The following CDH12 variants were observed in gnomAD, a reference collection of about 807,000 sequenced individuals.
CDH12 encodes cadherin-12.
CDH12 carries 41 observed loss-of-function variants against 74.1 expected under a neutral mutation model. That is an observed-to-expected ratio of 0.55 (90% CI 0.43 to 0.72). The LOEUF is 0.72. CDH12 is among the 30% of genes least tolerant of loss of function. CDH12 has a pLI of 0.00. For synonymous variants in CDH12, 399 were observed against 355.0 expected (o/e 1.12, Z -1.39); for missense variants, 945 against 977.2 (o/e 0.97, Z 0.44).
intron 1 of CDH12, among the ~76,000 whole-genome samples, chr5:22,600,998 A>T (rs1301379881): frequency 1.3e-5 from 2 of 152,140 alleles, no homozygotes; most frequent in Admixed American, 6.5e-5. Flanking sequence ...TGAAGCTATT[A>T]TCAGGGTAGA....
intron 1 of CDH12, among the ~76,000 whole-genome samples, chr5:22,815,465 G>A (rs1034552475): frequency 5.3e-5 from 8 of 151,942 alleles, no homozygotes; most frequent in African/African-American, 1.9e-4. Flanking sequence ...GAAATGGAGA[G>A]ATCTATAGAA....
intron 8 of CDH12, among the ~76,000 whole-genome samples, chr5:21,833,300 A>ATTATATGTTATATAACATATAATATATG (rs1749290620): frequency 2.0e-5 from 1 of 50,756 alleles, no homozygotes; most frequent in Non-Finnish European, 2.8e-5. Context: ...TATAATATAT[A>ATTATATGTTATATAACATATAATATATG]TTATATGTTA....
intron 1 of CDH12, among the ~76,000 whole-genome samples, chr5:22,730,879 T>C (rs1184008828): frequency 6.6e-6 from 1 of 151,850 alleles, no homozygotes; most frequent in Non-Finnish European, 1.5e-5. Flanking sequence ...CAATAAAAGA[T>C]TAAAACAGAA....
At chr5:22,507,002 A>T (rs942229138) in intron 1 of CDH12, among the ~76,000 whole-genome samples, 6 of 152,164 alleles carry the variant, frequency 3.9e-5, no homozygotes, top group Non-Finnish European at 7.4e-5. Context: ...AGTGATTCTT[A>T]TAAAGATGTC....
chr5:22,568,429 A>T (rs1388105891), intron 1 of CDH12, among the ~76,000 whole-genome samples: 1 of 152,194 alleles, frequency 6.6e-6, no homozygotes, highest in Non-Finnish European at 1.5e-5. Flanking sequence ...GCGCATTTAG[A>T]CTTCAGCTAC....
chr5:22,243,710 G>A (rs543902025), intron 3 of CDH12, among the ~76,000 whole-genome samples: 13 of 152,210 alleles, frequency 8.5e-5, no homozygotes, highest in African/African-American at 3.1e-4. Flanking sequence ...AGCATAGTAC[G>A]GTAATAAAAT....
intron 1 of CDH12, among the ~76,000 whole-genome samples, chr5:22,781,435 TTCTG>T (rs1057452914): frequency 1.6e-4 from 25 of 152,266 alleles, no homozygotes; most frequent in East Asian, 1.9e-4. Context: ...TTCTTCTTCT[TTCTG>T]TCTATTTCAT....
chr5:22,411,383 A>C (rs1580619419), intron 2 of CDH12, among the ~76,000 whole-genome samples: 1 of 152,056 alleles, frequency 6.6e-6, no homozygotes, highest in South Asian at 2.1e-4. Context: ...TCATTTACTT[A>C]AATAGTATGA....
intron 1 of CDH12, among the ~76,000 whole-genome samples, chr5:22,677,518 G>A (rs1741261415): frequency 6.6e-6 from 1 of 152,018 alleles, no homozygotes; most frequent in African/African-American, 2.4e-5. Flanking sequence ...GAGTCCTCAT[G>A]ACCAAATCAC....
chr5:22,567,645 C>A (rs1739352988), intron 1 of CDH12, among the ~76,000 whole-genome samples: 1 of 152,066 alleles, frequency 6.6e-6, no homozygotes, highest in Admixed American at 6.6e-5. Flanking sequence ...ATCAGGCAAA[C>A]TGAACTAGTG....
At chr5:22,257,607 C>T (rs1753365112) in intron 3 of CDH12, among the ~76,000 whole-genome samples, 1 of 151,974 alleles carries the variant, frequency 6.6e-6, no homozygotes, top group Non-Finnish European at 1.5e-5. Context: ...TCAAGCAATT[C>T]TCCTCCCTCA....
At chr5:22,578,497 C>G (rs1043696072) in intron 1 of CDH12, among the ~76,000 whole-genome samples, 49 of 152,178 alleles carry the variant, frequency 3.2e-4, no homozygotes, top group African/African-American at 1.2e-3. Flanking sequence ...ACAAGCATCA[C>G]TCTTTTGTAG....
At chr5:21,799,012 G>A (rs574917384) in intron 10 of CDH12, among the ~76,000 whole-genome samples, 1 of 152,240 alleles carries the variant, frequency 6.6e-6, no homozygotes, top group East Asian at 1.9e-4. Context: ...TCTGTTAAAG[G>A]TTCAGAAAGA....
chr5:22,726,094 T>C (rs1223231685), intron 1 of CDH12, among the ~76,000 whole-genome samples: 4 of 151,746 alleles, frequency 2.6e-5, no homozygotes, highest in Non-Finnish European at 5.9e-5. Context: ...CTTCTTGTTA[T>C]ATATTTTATG....
At chr5:22,453,315 C>A (rs572464004) in intron 2 of CDH12, among the ~76,000 whole-genome samples, 3 of 151,952 alleles carry the variant, frequency 2.0e-5, no homozygotes, top group Non-Finnish European at 2.9e-5. Context: ...TCACAATAAC[C>A]AAAAAATGAG....
chr5:22,591,482 T>C (rs548538749), intron 1 of CDH12, among the ~76,000 whole-genome samples: 1 of 152,328 alleles, frequency 6.6e-6, no homozygotes, highest in South Asian at 2.1e-4. Context: ...TAGCTGTGAA[T>C]ATGTAGTTGA....
chr5:22,022,522 T>C (rs187417032), intron 5 of CDH12, among the ~76,000 whole-genome samples: 5 of 152,292 alleles, frequency 3.3e-5, no homozygotes, highest in Non-Finnish European at 7.3e-5. Context: ...TAGTTCTTTG[T>C]AGCAGTGTGA....
At chr5:22,063,708 T>C (rs904514779) in intron 5 of CDH12, among the ~76,000 whole-genome samples, 1 of 151,626 alleles carries the variant, frequency 6.6e-6, no homozygotes, top group African/African-American at 2.4e-5. Context: ...TCTGTGAAGG[T>C]GTTTTTTTTT....
At chr5:22,444,674 A>G (rs758530239) in intron 2 of CDH12, among the ~76,000 whole-genome samples, 5 of 152,002 alleles carry the variant, frequency 3.3e-5, no homozygotes, top group Non-Finnish European at 5.9e-5. Flanking sequence ...AGCCCCATTT[A>G]CTGCAGTTGC....
Sources: gnomAD v4.1 joint callset for allele counts (sites outside exome capture counted in the v4.1 genomes callset) on GRCh38, gnomAD v4.1.1 for gene constraint, MANE v1.5 for transcripts, NCBI Gene and HGNC (gene_info 2026-07-23, HGNC 2026-07-21) for gene names.